The following TMEM79 variants were observed in gnomAD, a reference collection of about 807,000 sequenced individuals.
The protein encoded by TMEM79 is mattrin.
Under a neutral mutation model 31.2 loss-of-function variants are expected in TMEM79, and 30 were observed. That is an observed-to-expected ratio of 0.96 (90% CI 0.72 to 1.30). The LOEUF (loss-of-function observed/expected upper bound fraction) is 1.30. TMEM79 is among the 50% of genes most tolerant of loss of function. The pLI is 0.00. For synonymous variants in TMEM79, 213 were observed against 229.5 expected (o/e 0.93, Z 0.65); for missense variants, 509 against 528.2 (o/e 0.96, Z 0.36).
intron 1 of TMEM79, among the ~76,000 whole-genome samples, 200 bp from the exon 2 acceptor site, chr1:156,284,984 G>A (rs1193440067): frequency 6.6e-6 from 1 of 152,138 alleles, no homozygotes; most frequent in African/African-American, 2.4e-5. Context: ...GATGTCGAAA[G>A]GGTGCCTCCA....
Sources: gnomAD v4.1 joint callset for allele counts (sites outside exome capture counted in the v4.1 genomes callset) on GRCh38, gnomAD v4.1.1 for gene constraint, MANE v1.5 for transcripts, NCBI Gene and HGNC (gene_info 2026-07-23, HGNC 2026-07-21) for gene names.